The following NAV3 variants were observed in gnomAD, a reference collection of about 807,000 sequenced individuals.
NAV3 encodes the protein pore membrane and/or filament interacting like protein 1.
Under a neutral mutation model 244.7 loss-of-function variants are expected in NAV3, and 87 were observed. The observed-to-expected ratio is 0.36, with a 90% CI of 0.30 to 0.42. The LOEUF is 0.42. Ranked by LOEUF, NAV3 falls within the 20% of genes least tolerant of loss-of-function variation. The pLI is 1.00. For synonymous variants in NAV3, 1,126 were observed against 1,042.2 expected (o/e 1.08, Z -1.55); for missense variants, 2,663 against 2,893.3 (o/e 0.92, Z 1.83).
At chr12:78,206,044 G>A (rs1960266205) in intron 39 of NAV3, among the ~76,000 whole-genome samples, 1 of 152,030 alleles carries the variant, frequency 6.6e-6, no homozygotes, top group Non-Finnish European at 1.5e-5. Context: ...CATCATCTCA[G>A]CTGAACATTT....
rs557762636 is a variant in NAV3, at chr12:78,059,579, G to A, written c.2636+464G>A. Among the ~76,000 whole-genome samples, 48 of 152,172 alleles carry A rather than the reference G, an allele frequency of 3.2e-4. 1 individual carries two copies. Among genetic ancestry groups the A allele is most frequent in the African/African-American group, 9.9e-4 (41 of 41,548 alleles). ...TGGGATTACAGGCATGAGCCTCTAC[G>A]CCCCGCCTATTTGGGGATATTTTTA... On this transcript the variant is annotated intron_variant, in intron 12 of 39. Transcript: ENST00000397909.
At chr12:77,715,757 G>A (rs1365869323) in intron 2 of NAV3, among the ~76,000 whole-genome samples, 3 of 151,886 alleles carry the variant, frequency 2.0e-5, no homozygotes, top group African/African-American at 7.2e-5. Flanking sequence ...TGCTGATTTG[G>A]TCATTTTTTT....
intron 11 of NAV3, among the ~76,000 whole-genome samples, chr12:78,053,156 TG>T (rs1338585590): frequency 6.6e-6 from 1 of 151,510 alleles, no homozygotes; most frequent in Non-Finnish European, 1.5e-5. Flanking sequence ...GAAGTTGCAG[TG>T]AGCTGAGATT....
At chr12:77,892,559 G>A (rs778812869) in intron 1 of NAV3, among the ~76,000 whole-genome samples, 1 of 151,996 alleles carries the variant, frequency 6.6e-6, no homozygotes, top group Non-Finnish European at 1.5e-5. Context: ...GGGACTACAG[G>A]TGCATGGCAC....
intron 16 of NAV3, among the ~76,000 whole-genome samples, chr12:78,125,730 A>G (rs1243133124): frequency 4.6e-5 from 7 of 152,240 alleles, no homozygotes; most frequent in African/African-American, 7.2e-5. Context: ...GAAATTGTCT[A>G]TGTTAGAAAA....
At chr12:78,090,429 A>G (rs1261238602) in intron 12 of NAV3, among the ~76,000 whole-genome samples, 1 of 152,002 alleles carries the variant, frequency 6.6e-6, no homozygotes, top group East Asian at 1.9e-4. Context: ...AACCTTTTCT[A>G]CTAACATTAA....
At chr12:78,195,456 C>T (rs568698350) in intron 34 of NAV3, among the ~76,000 whole-genome samples, 2 of 151,824 alleles carry the variant, frequency 1.3e-5, no homozygotes, top group African/African-American at 2.4e-5. Flanking sequence ...TTATGTCTCC[C>T]TATAATGTTT....
intron 1 of NAV3, among the ~76,000 whole-genome samples, chr12:77,860,769 G>T (rs1879143506): frequency 6.6e-6 from 1 of 151,812 alleles, no homozygotes; most frequent in Admixed American, 6.6e-5. Flanking sequence ...AATGGGCAGG[G>T]TTGCTGGCAG....
rs547473243 is a variant in NAV3, at chr12:77,683,678, C to T, written c.72+111412C>T. On this transcript the variant is annotated intron_variant, in intron 2 of 8. Coordinates refer to the NAV3 transcript ENST00000550042. Reference sequence around the variant, plus strand: ...AATTATTATTTGTTCTTAAACATTGCAAAAATGGGTTACACAGTAGGTGTG... The same window carrying T: ...AATTATTATTTGTTCTTAAACATTGTAAAAATGGGTTACACAGTAGGTGTG... 8.5e-5 allele frequency among the ~76,000 whole-genome samples: 13 copies of T among 152,086 alleles called. No individual in the cohort carries two copies. The East Asian group carries it at 1.7e-3, about 20-fold the overall frequency.
At chr12:77,592,261 G>C (rs970523268) in intron 2 of NAV3, among the ~76,000 whole-genome samples, 1 of 152,194 alleles carries the variant, frequency 6.6e-6, no homozygotes, top group African/African-American at 2.4e-5. Flanking sequence ...GCCACCTAGA[G>C]AGGGCTTTGC....
chr12:78,140,472 A>T, intron 20 of NAV3, 138 bp downstream of exon 20: 2 of 750,540 alleles, frequency 2.7e-6, no homozygotes, highest in Non-Finnish European at 4.5e-6. Context: ...GCATACTCTA[A>T]GCTGCCCAAT....
At chr12:78,126,062 T>C (rs1955892505) in intron 16 of NAV3, among the ~76,000 whole-genome samples, 1 of 152,224 alleles carries the variant, frequency 6.6e-6, no homozygotes, top group South Asian at 2.1e-4. Flanking sequence ...TCCACAGTAC[T>C]TAAGAAAACT....
intron 1 of NAV3, among the ~76,000 whole-genome samples, chr12:77,897,357 A>G (rs189722910): frequency 1.6e-4 from 24 of 152,350 alleles, no homozygotes; most frequent in Admixed American, 5.9e-4. Flanking sequence ...TAGCACACAT[A>G]TCACATGCCT....
At chr12:78,134,400 C>A (rs187675261) in intron 18 of NAV3, among the ~76,000 whole-genome samples, 5 of 152,302 alleles carry the variant, frequency 3.3e-5, no homozygotes, top group African/African-American at 1.2e-4. Context: ...CTTTGAAATT[C>A]TTTCTTTAAG....
chr12:77,746,211 A>T (rs1314476671), intron 2 of NAV3, among the ~76,000 whole-genome samples: 1 of 152,126 alleles, frequency 6.6e-6, no homozygotes, highest in Non-Finnish European at 1.5e-5. Context: ...GGGGATAGAT[A>T]GTAAATATAT....
intron 9 of NAV3, among the ~76,000 whole-genome samples, chr12:78,026,439 G>T (rs1566031893): frequency 6.6e-6 from 1 of 152,094 alleles, no homozygotes; most frequent in Non-Finnish European, 1.5e-5. Context: ...TGAAACCTTA[G>T]AGTTATTCAT....
intron 35 of NAV3, 136 bp downstream of exon 35, chr12:78,197,537 A>C (rs1485930198): frequency 5.2e-6 from 3 of 581,680 alleles, no homozygotes; most frequent in Non-Finnish European, 8.4e-6. Context: ...AAAACTGTAC[A>C]TATTGATTGT....
chr12:77,598,048 A>G (rs907550217), intron 2 of NAV3, among the ~76,000 whole-genome samples: 1 of 152,102 alleles, frequency 6.6e-6, no homozygotes, highest in African/African-American at 2.4e-5. Flanking sequence ...TTGTATAACA[A>G]TGTATGCCAC....
rs986652509 is a variant in NAV3, at chr12:77,943,201, T to A, written c.414+2068T>A. Among the ~76,000 whole-genome samples, 12 of 152,320 alleles carry A rather than the reference T, an allele frequency of 7.9e-5. No homozygotes were observed. In the East Asian group the frequency reaches 1.9e-3, roughly 24 times the overall value. On this transcript the variant is annotated intron_variant, in intron 3 of 39. Transcript: ENST00000397909. ...CTCTTGAGTTTCAGACTCTGTTAAT[T>A]TTTTTATTACTTCTTATTCCTGTTA... is the stretch of plus-strand genomic sequence containing the variant.
Sources: gnomAD v4.1 joint callset for allele counts (sites outside exome capture counted in the v4.1 genomes callset) on GRCh38, gnomAD v4.1.1 for gene constraint, MANE v1.5 for transcripts, NCBI Gene and HGNC (gene_info 2026-07-23, HGNC 2026-07-21) for gene names.